The following DCP1A variants were observed in gnomAD, a reference collection of about 807,000 sequenced individuals.
DCP1A encodes the protein decapping mRNA 1A.
A neutral mutation model predicts 58.0 loss-of-function variants in DCP1A; 20 were observed. The observed-to-expected ratio is 0.34, with a 90% CI of 0.24 to 0.50. DCP1A has a LOEUF of 0.50. Among genes scored for constraint, DCP1A ranks in the 20% least tolerant of loss-of-function variants. The pLI, the probability that DCP1A is intolerant of heterozygous loss-of-function variation, is 0.98. For synonymous variants in DCP1A, 285 were observed against 275.1 expected (o/e 1.04, Z -0.36); for missense variants, 613 against 712.2 (o/e 0.86, Z 1.59).
intron 4 of DCP1A, among the ~76,000 whole-genome samples, chr3:53,316,421 G>T (rs947118913): frequency 2.6e-5 from 4 of 151,716 alleles, no homozygotes; most frequent in African/African-American, 9.7e-5. Flanking sequence ...TTTCACCAGG[G>T]TATTCTCTAA....
chr3:53,330,293 A>C (rs2088963667), intron 3 of DCP1A, among the ~76,000 whole-genome samples: 1 of 152,166 alleles, frequency 6.6e-6, no homozygotes, highest in Non-Finnish European at 1.5e-5. Flanking sequence ...GCACTTTGGG[A>C]GGCTGAGGTG....
Position 53,283,591 on chromosome 3 carries a change from G to A in DCP1A, c.*3989C>T, listed in dbSNP as rs1463672362. Reference sequence around the variant, plus strand: ...TACCATTAAAAATGTTAATGATACAGTATTGCGCTCATGGAACAAAAATCT... The same window carrying A: ...TACCATTAAAAATGTTAATGATACAATATTGCGCTCATGGAACAAAAATCT... On this transcript the variant is annotated 3_prime_UTR_variant, in exon 10 of 10. Transcript: ENST00000610213. The A allele has an allele frequency of 2.0e-5, 3 of 152,144 alleles. No individual in the cohort carries two copies. The highest frequency in any genetic ancestry group is 2.9e-5 in the Non-Finnish European group (2 of 68,036). The allele number at this position is 152,144 out of a possible 1,614,324, so 9.4% of individuals were successfully genotyped here. A position where few individuals can be genotyped will look rare whatever the true frequency, so the allele number is the denominator to read the frequency against.
At chr3:53,316,742 G>A (rs1174342057) in intron 4 of DCP1A, among the ~76,000 whole-genome samples, 1 of 152,066 alleles carries the variant, frequency 6.6e-6, no homozygotes, top group South Asian at 2.1e-4. Flanking sequence ...ACTGTGCCCA[G>A]GCTCAAATCA....
intron 3 of DCP1A, among the ~76,000 whole-genome samples, chr3:53,320,342 TTATAA>T (rs782621118): frequency 5.9e-5 from 9 of 151,362 alleles, no homozygotes; most frequent in Non-Finnish European, 1.2e-4. Context: ...TTATTAAAGA[TTATAA>T]TATATTAAAG....
At chr3:53,331,617 C>T (rs1242775348) in intron 3 of DCP1A, among the ~76,000 whole-genome samples, 10 of 71,346 alleles carry the variant, frequency 1.4e-4, no homozygotes, top group East Asian at 2.6e-4. Flanking sequence ...TGCCTAATGG[C>T]GCCTTTAGGA....
At chr3:53,290,984 TAAC>T (rs2106791321) in intron 7 of DCP1A, 128 bp from the exon 8 acceptor site, 1 of 802,618 alleles carries the variant, frequency 1.2e-6, no homozygotes, top group South Asian at 1.6e-5. Flanking sequence ...GTTCAGATAT[TAAC>T]TAGTTCCTAG....
At position 53,347,477 on chromosome 3, in the gene DCP1A, G is replaced by C. The variant is rs1553693298; in HGVS notation, c.41C>G (p.Ala14Gly). The C allele has an allele frequency of 5.0e-6, 8 of 1,613,324 alleles. No individual in the cohort carries two copies. Among genetic ancestry groups the C allele is most frequent in the Non-Finnish European group, 6.8e-6 (8 of 1,179,526 alleles). The change falls in exon 1 of 10, where the codon GCG (alanine) becomes GGG (glycine). Residue 14 changes from alanine to glycine, a missense_variant. Physicochemically the swap from Ala to Gly is moderately conservative, Grantham distance 60. Around this residue, in one of 3 missense-constraint regions of DCP1A, gnomAD observed 50 missense variants for 37.0 expected, o/e 1.35. Transcript: ENST00000610213. ...LSRAGQEMSL[A>G]ALKQHDPYIT... ...ATAGGGGTCGTGTTGCTTCAGGGCC[G>C]CTAGGCTCATCTCCTGCCCAGCTCG...
At chr3:53,319,344 G>A in intron 4 of DCP1A, 63 bp downstream of exon 4, 2 of 1,052,152 alleles carry the variant, frequency 1.9e-6, no homozygotes, top group Non-Finnish European at 1.4e-6. Flanking sequence ...AAAGAGAAGT[G>A]GGAGGGGATT....
chr3:53,308,352 T>G (rs576238043), intron 5 of DCP1A, among the ~76,000 whole-genome samples: 1 of 152,276 alleles, frequency 6.6e-6, no homozygotes, highest in South Asian at 2.1e-4. Flanking sequence ...TGGAGTGCAG[T>G]GGCAGAATAA....
intron 3 of DCP1A, among the ~76,000 whole-genome samples, chr3:53,341,448 C>T (rs533944907): frequency 8.7e-4 from 132 of 151,884 alleles, no homozygotes; most frequent in Non-Finnish European, 1.3e-3. Context: ...AGCAAGACTC[C>T]GTCTCAAAAA....
chr3:53,321,047 A>G (rs1707950026), intron 3 of DCP1A, among the ~76,000 whole-genome samples: 1 of 152,242 alleles, frequency 6.6e-6, no homozygotes, highest in South Asian at 2.1e-4. Context: ...TATTGCTGGC[A>G]GGACTCTCAT....
chr3:53,304,345 T>C, intron 5 of DCP1A, 55 bp from the exon 6 acceptor site: 1 of 1,343,580 alleles, frequency 7.4e-7, no homozygotes, highest in Non-Finnish European at 1.1e-6. Context: ...TGCTATTATT[T>C]GGCTCACAAA....
chr3:53,295,285 C>T (rs782345907), intron 6 of DCP1A, among the ~76,000 whole-genome samples: 1 of 152,054 alleles, frequency 6.6e-6, no homozygotes, highest in Non-Finnish European at 1.5e-5. Context: ...CAAGAACCTC[C>T]CACAGTTGTA....
chr3:53,290,603 C>T, intron 8 of DCP1A, 188 bp downstream of exon 8: 1 of 669,306 alleles, frequency 1.5e-6, no homozygotes, highest in Non-Finnish European at 2.6e-6. Context: ...TCCAGCAGAA[C>T]TTAAAAATAA....
chr3:53,293,666 A>T (rs547211256), intron 6 of DCP1A, among the ~76,000 whole-genome samples: 1 of 152,188 alleles, frequency 6.6e-6, no homozygotes, highest in Non-Finnish European at 1.5e-5. Context: ...TTTATACTGA[A>T]AAAATTAGTT....
At chr3:53,331,345 A>C (rs1206139329) in intron 3 of DCP1A, among the ~76,000 whole-genome samples, 1 of 152,180 alleles carries the variant, frequency 6.6e-6, no homozygotes, top group East Asian at 1.9e-4. Context: ...ACGTGCCACA[A>C]ATGCTGCTTT....
intron 3 of DCP1A, among the ~76,000 whole-genome samples, chr3:53,335,800 C>CT (rs1217711371): frequency 9.2e-5 from 14 of 151,966 alleles, no homozygotes; most frequent in South Asian, 2.1e-4. Context: ...TCAAATCTTC[C>CT]TTTTTTTTAA....
intron 6 of DCP1A, among the ~76,000 whole-genome samples, chr3:53,296,375 G>C (rs1707128324): frequency 6.6e-6 from 1 of 152,186 alleles, no homozygotes; most frequent in Non-Finnish European, 1.5e-5. Flanking sequence ...ACAGCTGTCT[G>C]GTAATATTTC....
At chr3:53,331,776 CAT>C (rs1297432432) in intron 3 of DCP1A, among the ~76,000 whole-genome samples, 1 of 152,124 alleles carries the variant, frequency 6.6e-6, no homozygotes, top group African/African-American at 2.4e-5. Flanking sequence ...TAGGTAAGCA[CAT>C]AGATATTAAA....
Sources: gnomAD v4.1 joint callset for allele counts (sites outside exome capture counted in the v4.1 genomes callset) on GRCh38, gnomAD v4.1.1 for gene constraint, gnomAD v4.1.1 regional missense constraint, MANE v1.5 for transcripts, NCBI Gene and HGNC (gene_info 2026-07-23, HGNC 2026-07-21) for gene names.